The following ADGRE1 variants were observed in gnomAD, a reference collection of about 807,000 sequenced individuals.
ADGRE1 encodes adhesion G protein-coupled receptor E1.
Under a neutral mutation model 102.7 loss-of-function variants are expected in ADGRE1, and 82 were observed. That is an observed-to-expected ratio of 0.80 (90% CI 0.67 to 0.96). ADGRE1 has a LOEUF of 0.96. Ranked by LOEUF, ADGRE1 falls within the 40% of genes least tolerant of loss-of-function variation. ADGRE1 has a pLI of 0.00. For synonymous variants in ADGRE1, 398 were observed against 399.6 expected, an observed-to-expected ratio of 1.00 and a Z score of 0.05; for missense variants, 1,032 against 1,085.3, an observed-to-expected ratio of 0.95 and a Z score of 0.69.
chr19:6,918,285 C>CA (rs1974478627), intron 12 of ADGRE1, among the ~76,000 whole-genome samples: 1 of 151,800 alleles, frequency 6.6e-6, no homozygotes, highest in Non-Finnish European at 1.5e-5. Flanking sequence ...ACTAAAAATA[C>CA]AAAAAATTAG....
intron 20 of ADGRE1, among the ~76,000 whole-genome samples, chr19:6,938,635 C>A (rs1017181133): frequency 6.6e-5 from 10 of 151,070 alleles, no homozygotes; most frequent in African/African-American, 2.2e-4. Flanking sequence ...TAATGGTAAT[C>A]CTTACCTTGG....
chr19:6,934,764 AT>A (rs371829373), intron 17 of ADGRE1, among the ~76,000 whole-genome samples: 16,414 of 136,642 alleles, frequency 0.12, 1,167 homozygotes, highest in African/African-American at 0.22. Flanking sequence ...TGCATGGCTA[AT>A]TTTTTTTTTT....
intron 15 of ADGRE1, among the ~76,000 whole-genome samples, chr19:6,925,240 C>G (rs1278744787): frequency 6.6e-6 from 1 of 152,190 alleles, no homozygotes; most frequent in Non-Finnish European, 1.5e-5. Flanking sequence ...CCTGCCTCAG[C>G]CTCCTGAGAA....
At chr19:6,892,343 T>C (rs908173577) in intron 2 of ADGRE1, among the ~76,000 whole-genome samples, 1 of 152,206 alleles carries the variant, frequency 6.6e-6, no homozygotes, top group Admixed American at 6.5e-5. Flanking sequence ...ATGATACTTT[T>C]TAGTTTTTCC....
intron 10 of ADGRE1, among the ~76,000 whole-genome samples, chr19:6,911,070 G>A (rs562573280): frequency 8.5e-5 from 13 of 152,138 alleles, no homozygotes; most frequent in African/African-American, 1.9e-4. Context: ...GCCAGTTGTC[G>A]AACTGAGTAC....
chr19:6,919,789 G>C, intron 13 of ADGRE1, 42 bp downstream of exon 13: 1 of 1,587,074 alleles, frequency 6.3e-7, no homozygotes, highest in Non-Finnish European at 8.6e-7. Flanking sequence ...TCTACCTGTT[G>C]GGAACTCCTC....
chr19:6,900,358 GC>G (rs1174205435), intron 5 of ADGRE1, among the ~76,000 whole-genome samples: 8 of 151,924 alleles, frequency 5.3e-5, no homozygotes, highest in African/African-American at 1.9e-4. Context: ...GGTGGCATGT[GC>G]CTGTGGTCCC....
intron 1 of ADGRE1, among the ~76,000 whole-genome samples, chr19:6,888,066 T>C (rs937946657): frequency 6.6e-6 from 1 of 152,160 alleles, no homozygotes; most frequent in Non-Finnish European, 1.5e-5. Flanking sequence ...TGACATTGGG[T>C]CATTATTAGT....
Position 6,935,093 on chromosome 19 carries a change from C to A in ADGRE1, c.2381+15C>A. 6.7e-7 allele frequency: 1 copy of A among 1,489,980 alleles called. No individual in the cohort carries two copies. Among genetic ancestry groups the A allele is most frequent in the South Asian group, 1.2e-5 (1 of 82,490 alleles). The allele number at this position is 1,489,980 out of a possible 1,614,324, so 92.3% of individuals were successfully genotyped here. ...AAAGACACCAGGTAAAGCCCTCTTT[C>A]ACCTCCCCCCCTCTTTTAATTTCCT... On this transcript the variant is annotated intron_variant, in intron 18 of 20. Coordinates refer to ENST00000312053, the MANE Select transcript of ADGRE1 (RefSeq NM_001974.5).
At chr19:6,900,311 C>CAA (rs11334158) in intron 5 of ADGRE1, among the ~76,000 whole-genome samples, 12 of 114,730 alleles carry the variant, frequency 1.0e-4, no homozygotes, top group African/African-American at 2.0e-4. Context: ...CCTGTCTCTA[C>CAA]AAAAAAAAAA....
chr19:6,917,731 C>A (rs1326520989), intron 12 of ADGRE1, among the ~76,000 whole-genome samples: 3 of 113,796 alleles, frequency 2.6e-5, no homozygotes. Context: ...CAGAATGAGA[C>A]TCCATCTCAA....
intron 5 of ADGRE1, chr19:6,898,679 T>G: frequency 9.0e-7 from 1 of 1,106,188 alleles, no homozygotes; most frequent in Non-Finnish European, 1.3e-6. Flanking sequence ...CAAGTTGGAT[T>G]CATCTCTAGA....
intron 2 of ADGRE1, 79 bp from the exon 3 acceptor site, chr19:6,896,319 A>C: frequency 6.9e-7 from 1 of 1,449,884 alleles, no homozygotes. Flanking sequence ...AGTCACCTCC[A>C]CCCTTGTATG....
At chr19:6,927,246 C>CCT (rs1199554398) in intron 16 of ADGRE1, among the ~76,000 whole-genome samples, 3 of 133,468 alleles carry the variant, frequency 2.2e-5, no homozygotes, top group Admixed American at 1.5e-4. Context: ...TCCTTCCTTC[C>CCT]TCCCTCCCTC....
chr19:6,924,911 C>T (rs771141018), intron 15 of ADGRE1, 39 bp downstream of exon 15: 163 of 1,601,376 alleles, frequency 1.0e-4, no homozygotes, highest in Non-Finnish European at 8.9e-5. Flanking sequence ...CAAGCCCCAT[C>T]TTCTCCCCAC....
intron 10 of ADGRE1, among the ~76,000 whole-genome samples, chr19:6,912,006 C>T (rs548185132): frequency 6.6e-6 from 1 of 151,894 alleles, no homozygotes; most frequent in Admixed American, 6.6e-5. Flanking sequence ...CATACACATC[C>T]ACACACATAT....
At chr19:6,888,269 A>G (rs1041486664) in intron 1 of ADGRE1, among the ~76,000 whole-genome samples, 2 of 152,208 alleles carry the variant, frequency 1.3e-5, no homozygotes, top group African/African-American at 4.8e-5. Flanking sequence ...AAGTGCTATG[A>G]AAGAAGTTGT....
At position 6,908,708 on chromosome 19, in the gene ADGRE1, T is replaced by G. The variant is rs771076276; in HGVS notation, c.1058T>G (p.Ile353Arg). Residue 353 changes from isoleucine (I) to arginine (R), a missense_variant, in exon 10 of 21, where the codon ATA becomes AGA. Physicochemically the swap from Ile to Arg is moderately conservative, Grantham distance 97. Transcript: ENST00000312053. ...KPAYVSFCAQ[I>R]NNIFSVLDKV... is the part of the protein sequence containing the mutation. ...ACGCAGGTCTCCTTTTGTGCACAAA[T>G]AAATAACATCTTCAGCGTTCTGGAC... 9.5e-6 allele frequency: 15 copies of G among 1,581,982 alleles called. No individual in the cohort carries two copies. The East Asian group carries it at 3.2e-4, about 34-fold the overall frequency.
intron 17 of ADGRE1, among the ~76,000 whole-genome samples, chr19:6,931,792 T>C (rs886538559): frequency 7.8e-6 from 1 of 128,934 alleles, no homozygotes; most frequent in Non-Finnish European, 1.7e-5. Flanking sequence ...AGGGAGACTG[T>C]CTCAAAAAAA....
Sources: gnomAD v4.1 joint callset for allele counts (sites outside exome capture counted in the v4.1 genomes callset) on GRCh38, gnomAD v4.1.1 for gene constraint, MANE v1.5 for transcripts, NCBI Gene and HGNC (gene_info 2026-07-23, HGNC 2026-07-21) for gene names.